The following CDC73 variants were observed in gnomAD, a reference collection of about 807,000 sequenced individuals.
The protein encoded by CDC73 is parafibromin.
In CDC73, 21 loss-of-function variants were observed where a neutral mutation model predicts 83.7. That is an observed-to-expected ratio of 0.25 (90% CI 0.18 to 0.36). CDC73 has a LOEUF of 0.36. Ranked by LOEUF, CDC73 falls within the 10% of genes least tolerant of loss-of-function variation. CDC73 has a pLI of 1.00. For synonymous variants in CDC73, 224 were observed against 212.9 expected, an observed-to-expected ratio of 1.05 and a Z score of -0.45; for missense variants, 342 against 653.3, an observed-to-expected ratio of 0.52 and a Z score of 5.19.
At chr1:193,149,906 GTTTA>G (rs1338853192) in intron 8 of CDC73, among the ~76,000 whole-genome samples, 1 of 152,082 alleles carries the variant, frequency 6.6e-6, no homozygotes, top group Non-Finnish European at 1.5e-5. Flanking sequence ...TGGCTTTCAT[GTTTA>G]TTTAAGGATT....
chr1:193,187,551 TAAAA>T (rs1676840452), intron 10 of CDC73, among the ~76,000 whole-genome samples: 1 of 152,146 alleles, frequency 6.6e-6, no homozygotes, highest in African/African-American at 2.4e-5. Flanking sequence ...TTTGTTGTAG[TAAAA>T]AGCCTTTATT....
At chr1:193,157,312 G>A (rs1676225146) in intron 10 of CDC73, among the ~76,000 whole-genome samples, 1 of 152,164 alleles carries the variant, frequency 6.6e-6, no homozygotes, top group Admixed American at 6.5e-5. Flanking sequence ...TTGCACTAAC[G>A]TTTATGAACA....
At chr1:193,226,626 G>A (rs1157678595) in intron 13 of CDC73, among the ~76,000 whole-genome samples, 8 of 152,168 alleles carry the variant, frequency 5.3e-5, no homozygotes, top group Admixed American at 5.2e-4. Context: ...CACATTTATT[G>A]ACTTGTGTAT....
chr1:193,228,741 T>G (rs1677605861), intron 13 of CDC73, among the ~76,000 whole-genome samples: 1 of 151,982 alleles, frequency 6.6e-6, no homozygotes, highest in Non-Finnish European at 1.5e-5. Context: ...CATAATAGAA[T>G]GTTTTTGTGA....
intron 13 of CDC73, among the ~76,000 whole-genome samples, chr1:193,222,664 C>A (rs187204213): frequency 2.3e-3 from 349 of 152,060 alleles, no homozygotes; most frequent in Non-Finnish European, 4.3e-3. Context: ...TTTTTATATA[C>A]CCCACTTGGA....
chr1:193,212,752 T>G (rs1441577328), intron 13 of CDC73, among the ~76,000 whole-genome samples: 2 of 152,162 alleles, frequency 1.3e-5, no homozygotes, highest in South Asian at 2.1e-4. Flanking sequence ...CTTTTGATGA[T>G]TTTCTCTGAG....
At chr1:193,164,574 A>C (rs555213198) in intron 10 of CDC73, among the ~76,000 whole-genome samples, 59 of 152,146 alleles carry the variant, frequency 3.9e-4, no homozygotes, top group Non-Finnish European at 7.6e-4. Context: ...GTACTGTGCA[A>C]TGAGCATATA....
At chr1:193,221,779 T>C (rs1677474615) in intron 13 of CDC73, among the ~76,000 whole-genome samples, 2 of 152,192 alleles carry the variant, frequency 1.3e-5, no homozygotes, top group Admixed American at 1.3e-4. Context: ...GCCTAATGTT[T>C]CTTCCAAGTT....
At chr1:193,188,947 G>T (rs1163575620) in intron 10 of CDC73, among the ~76,000 whole-genome samples, 3 of 150,076 alleles carry the variant, frequency 2.0e-5, no homozygotes, top group African/African-American at 7.3e-5. Context: ...CTTTCTTTCT[G>T]TCTGTCTGTT....
chr1:193,124,206 A>C (rs1214304037), intron 1 of CDC73, among the ~76,000 whole-genome samples: 1 of 152,272 alleles, frequency 6.6e-6, no homozygotes, highest in Non-Finnish European at 1.5e-5. Context: ...TATTTTCTAT[A>C]TGTGCACATG....
rs2103133617 is a variant in CDC73 at position 193,152,383 on chromosome 1, C to T, written c.911C>T (p.Thr304Met). 1 of 1,604,792 alleles carries T rather than the reference C, an allele frequency of 6.2e-7. No individual in the cohort carries two copies. The highest frequency in any genetic ancestry group is 8.5e-7 in the Non-Finnish European group (1 of 1,172,166). The change falls in exon 10 of 17, where the codon ACG becomes ATG. Residue 304 changes from threonine (T) to methionine (M), a missense_variant. Thr to Met is a moderately conservative substitution (Grantham distance 81, BLOSUM62 -1). This residue lies in a region of CDC73 where 239 missense variants were observed against 420.6 expected (regional missense o/e 0.57). Coordinates refer to ENST00000367435, the MANE Select transcript of CDC73 (RefSeq NM_024529.5). ...ATAAGCCTCTTTTTTTTCGTAGAAA[C>T]GGAAGGCTTCAAAATTGACACTATG... ...DQERFKGKEETEGFKIDTMGT... is the reference protein window; with the variant it reads ...DQERFKGKEEMEGFKIDTMGT...
chr1:193,155,614 A>G (rs1676194522), intron 10 of CDC73, among the ~76,000 whole-genome samples: 1 of 152,110 alleles, frequency 6.6e-6, no homozygotes, highest in South Asian at 2.1e-4. Context: ...CCCATCTACT[A>G]AAAATACAAA....
Position 193,223,724 on chromosome 1 carries a change from G to A in CDC73, c.1155-9269G>A, listed in dbSNP as rs1021093662. The stretch of plus-strand genomic sequence containing the variant: ...GAAAAACCAGGCTTAACTTTAATTG[G>A]TTTGCAAATCCAATGAATAGCAGTC... On this transcript the variant is annotated intron_variant, in intron 13 of 16. Transcript: ENST00000367435. Among the ~76,000 whole-genome samples, 3 of 152,128 alleles carry A rather than the reference G, an allele frequency of 2.0e-5. No individual in the cohort carries two copies. In the East Asian group the frequency reaches 5.8e-4, roughly 29 times the overall value.
At chr1:193,242,736 C>T (rs1410827975) in intron 15 of CDC73, among the ~76,000 whole-genome samples, 1 of 152,084 alleles carries the variant, frequency 6.6e-6, no homozygotes, top group Non-Finnish European at 1.5e-5. Flanking sequence ...ATCCCTTTAT[C>T]ATTTGTCATG....
chr1:193,232,870 T>A (rs1303616070), intron 13 of CDC73, 123 bp from the exon 14 acceptor site: 9 of 785,676 alleles, frequency 1.1e-5, no homozygotes, highest in Non-Finnish European at 1.9e-5. Context: ...ACCACTGCAC[T>A]CTAGCCTGGG....
chr1:193,130,717 C>T (rs760222761), intron 3 of CDC73, among the ~76,000 whole-genome samples: 77 of 152,276 alleles, frequency 5.1e-4, no homozygotes, highest in Middle Eastern at 3.4e-3. Flanking sequence ...TCTAGTCTGG[C>T]CTTCATCCTT....
chr1:193,231,299 G>T (rs1677659372), intron 13 of CDC73, among the ~76,000 whole-genome samples: 1 of 152,138 alleles, frequency 6.6e-6, no homozygotes, highest in Non-Finnish European at 1.5e-5. Flanking sequence ...ATCCCATGTA[G>T]TTATAGACTG....
chr1:193,136,903 T>C (rs1675811374), intron 5 of CDC73, among the ~76,000 whole-genome samples: 1 of 152,230 alleles, frequency 6.6e-6, no homozygotes, highest in African/African-American at 2.4e-5. Flanking sequence ...GTCTAATTAT[T>C]TGAAAAAATT....
chr1:193,151,773 A>G (rs1464783029), intron 9 of CDC73, among the ~76,000 whole-genome samples: 1 of 152,054 alleles, frequency 6.6e-6, no homozygotes, highest in Non-Finnish European at 1.5e-5. Context: ...AAATACAAAA[A>G]AATACCTGGG....
Sources: gnomAD v4.1 joint callset for allele counts (sites outside exome capture counted in the v4.1 genomes callset) on GRCh38, gnomAD v4.1.1 for gene constraint, gnomAD v4.1.1 regional missense constraint, MANE v1.5 for transcripts, NCBI Gene and HGNC (gene_info 2026-07-23, HGNC 2026-07-21) for gene names.